Variants in ADAMTS3 observed in about 807,000 individuals in gnomAD.
ADAMTS3 encodes ADAM metallopeptidase with thrombospondin type 1 motif 3.
In ADAMTS3, 73 loss-of-function variants were observed where a neutral mutation model predicts 129.0. The observed-to-expected ratio is 0.57, with a 90% CI of 0.47 to 0.69. ADAMTS3 has a LOEUF of 0.69. Among genes scored for constraint, ADAMTS3 ranks in the 30% least tolerant of loss-of-function variants. The pLI, the probability that ADAMTS3 is intolerant of heterozygous loss-of-function variation, is 0.00. For synonymous variants in ADAMTS3, 477 were observed against 510.8 expected (o/e 0.93, Z 0.89); for missense variants, 1,457 against 1,514.5 (o/e 0.96, Z 0.63).
intron 4 of ADAMTS3, among the ~76,000 whole-genome samples, chr4:72,345,376 T>A (rs1330764769): frequency 6.6e-6 from 1 of 152,200 alleles, no homozygotes; most frequent in Non-Finnish European, 1.5e-5. Flanking sequence ...AATAATTGTG[T>A]TAACCTGTTT....
At chr4:72,480,485 A>C (rs955370725) in intron 3 of ADAMTS3, among the ~76,000 whole-genome samples, 2 of 152,164 alleles carry the variant, frequency 1.3e-5, no homozygotes, top group African/African-American at 2.4e-5. Context: ...CATAGATGGG[A>C]ATTGAACAAT....
At chr4:72,369,758 CAA>C (rs377336677) in intron 4 of ADAMTS3, among the ~76,000 whole-genome samples, 1 of 130,374 alleles carries the variant, frequency 7.7e-6, no homozygotes, top group African/African-American at 2.7e-5. Flanking sequence ...AGACAAAGTA[CAA>C]AAAAAAAAAA....
chr4:72,560,221 T>TAAA (rs35259992), intron 2 of ADAMTS3, among the ~76,000 whole-genome samples: 9 of 144,398 alleles, frequency 6.2e-5, no homozygotes, highest in African/African-American at 1.5e-4. Flanking sequence ...CCCAAAACTA[T>TAAA]AAAAAAAAAA....
intron 3 of ADAMTS3, among the ~76,000 whole-genome samples, chr4:72,488,734 A>G (rs925878082): frequency 1.2e-4 from 18 of 151,972 alleles, no homozygotes; most frequent in East Asian, 3.8e-4. Context: ...AATAATCACC[A>G]CAAATTAATT....
chr4:72,531,958 G>T (rs1175706334), intron 3 of ADAMTS3, among the ~76,000 whole-genome samples: 3 of 151,788 alleles, frequency 2.0e-5, no homozygotes, highest in Non-Finnish European at 4.4e-5. Flanking sequence ...AGTTAAAGTT[G>T]TGCAAAGTTA....
intron 3 of ADAMTS3, among the ~76,000 whole-genome samples, chr4:72,497,674 C>A (rs1192086075): frequency 2.6e-5 from 4 of 151,092 alleles, no homozygotes; most frequent in Non-Finnish European, 5.9e-5. Flanking sequence ...AACTAAAGCC[C>A]TAATATTTAA....
intron 2 of ADAMTS3, among the ~76,000 whole-genome samples, chr4:72,556,449 T>C (rs2623537): frequency 0.96 from 146,160 of 151,760 alleles, 70,788 homozygotes; most frequent in East Asian, 1. Flanking sequence ...TTCAGTAGTA[T>C]TGTCAACATT....
chr4:72,369,228 T>C (rs1213547158), intron 4 of ADAMTS3, among the ~76,000 whole-genome samples: 1 of 152,210 alleles, frequency 6.6e-6, no homozygotes, highest in Non-Finnish European at 1.5e-5. Flanking sequence ...TTATAAATAA[T>C]GGTAAGAGAA....
chr4:72,292,901 T>A (rs1718711905), intron 19 of ADAMTS3, among the ~76,000 whole-genome samples: 1 of 152,178 alleles, frequency 6.6e-6, no homozygotes, highest in Non-Finnish European at 1.5e-5. Flanking sequence ...TTTTGCTCAA[T>A]TTTGAAGACT....
Position 72,283,198 on chromosome 4 carries a change from T to C in ADAMTS3, c.3556A>G (p.Lys1186Glu), listed in dbSNP as rs139458364. ...IGASSQARTS[K>E]KDGKIIDNRR... ...TTGTCAATGATCTTTCCATCTTTCT[T>C]TGAGGTTCTTGCCTGAGAAGAAGCA... The change falls in exon 22 of 22, where the codon AAG becomes GAG. Residue 1186 changes from lysine (K) to glutamate (E), a missense_variant. Physicochemically the swap from Lys to Glu is moderately conservative, Grantham distance 56. Coordinates refer to ENST00000286657, the MANE Select transcript of ADAMTS3 (RefSeq NM_014243.3). The C allele has an allele frequency of 2.5e-6, 4 of 1,613,952 alleles. No individual in the cohort carries two copies. The Admixed American group carries it at 6.7e-5, about 27-fold the overall frequency.
At chr4:72,492,349 T>C (rs1176957916) in intron 3 of ADAMTS3, among the ~76,000 whole-genome samples, 1 of 151,626 alleles carries the variant, frequency 6.6e-6, no homozygotes, top group Non-Finnish European at 1.5e-5. Flanking sequence ...TGCAAAGTTT[T>C]TTTTTTCAAT....
chr4:72,322,926 C>T, intron 6 of ADAMTS3, 88 bp downstream of exon 6: 1 of 1,052,000 alleles, frequency 9.5e-7, no homozygotes, highest in Non-Finnish European at 1.5e-6. Context: ...ATATCTATGC[C>T]TTAAGTTAGA....
At chr4:72,296,783 T>A (rs954562295) in intron 18 of ADAMTS3, among the ~76,000 whole-genome samples, 1 of 152,084 alleles carries the variant, frequency 6.6e-6, no homozygotes, top group Non-Finnish European at 1.5e-5. Context: ...TCAAAAATGT[T>A]CAGTTGTCCC....
intron 3 of ADAMTS3, among the ~76,000 whole-genome samples, chr4:72,420,935 GA>G (rs144930880): frequency 2.2e-3 from 326 of 148,210 alleles, no homozygotes; most frequent in African/African-American, 7.7e-3. Context: ...TTGTAATTAA[GA>G]AAAAAAAAAG....
At chr4:72,416,380 A>G (rs550493091) in intron 3 of ADAMTS3, among the ~76,000 whole-genome samples, 1 of 151,942 alleles carries the variant, frequency 6.6e-6, no homozygotes, top group South Asian at 2.1e-4. Context: ...TCCATATGCC[A>G]CTTCTACGCT....
intron 5 of ADAMTS3, among the ~76,000 whole-genome samples, chr4:72,329,882 A>G (rs1231275583): frequency 6.6e-6 from 1 of 152,004 alleles, no homozygotes; most frequent in Non-Finnish European, 1.5e-5. Flanking sequence ...TAACCTTTAC[A>G]TGTCAGTGTT....
At chr4:72,338,921 T>C (rs1025501058) in intron 5 of ADAMTS3, among the ~76,000 whole-genome samples, 4 of 152,154 alleles carry the variant, frequency 2.6e-5, no homozygotes, top group African/African-American at 9.7e-5. Flanking sequence ...GAAATAAAGA[T>C]AAATTTAAAG....
chr4:72,381,133 A>G (rs1721278187), intron 4 of ADAMTS3, among the ~76,000 whole-genome samples: 1 of 152,162 alleles, frequency 6.6e-6, no homozygotes, highest in Admixed American at 6.6e-5. Context: ...AGATAATCCC[A>G]TGGTGTGTAA....
At chr4:72,387,174 G>A (rs1336686580) in intron 4 of ADAMTS3, among the ~76,000 whole-genome samples, 3 of 152,134 alleles carry the variant, frequency 2.0e-5, no homozygotes, top group East Asian at 3.9e-4. Context: ...AAATCTGTTA[G>A]CTGATGTAAT....
Sources: gnomAD v4.1 joint callset for allele counts (sites outside exome capture counted in the v4.1 genomes callset) on GRCh38, gnomAD v4.1.1 for gene constraint, MANE v1.5 for transcripts, NCBI Gene and HGNC (gene_info 2026-07-23, HGNC 2026-07-21) for gene names.